Variants in FREM2 observed in about 807,000 individuals in gnomAD.
The protein encoded by FREM2 is FRAS1-related extracellular matrix protein 2.
FREM2 carries 119 observed loss-of-function variants against 219.9 expected under a neutral mutation model. That is an observed-to-expected ratio of 0.54 (90% CI 0.47 to 0.63). The LOEUF (loss-of-function observed/expected upper bound fraction) is 0.63. Among genes scored for constraint, FREM2 ranks in the 30% least tolerant of loss-of-function variants. The probability of loss-of-function intolerance (pLI) is 0.00; values close to 1 mark genes in which losing one functional copy is unlikely to be tolerated. For synonymous variants in FREM2, 1,562 were observed against 1,522.8 expected (o/e 1.03, Z -0.60); for missense variants, 4,030 against 3,993.6 (o/e 1.01, Z -0.25).
At chr13:38,826,029 T>C (rs1020305929) in intron 6 of FREM2, among the ~76,000 whole-genome samples, 11 of 152,132 alleles carry the variant, frequency 7.2e-5, no homozygotes, top group Non-Finnish European at 1.3e-4. Flanking sequence ...TGGTTACTCT[T>C]TAAACACAAA....
Position 38,846,561 on chromosome 13 carries a change from C to T in FREM2, c.6020-12C>T. On this transcript the variant is annotated splice_polypyrimidine_tract_variant and intron_variant, in intron 6 of 23. Transcript: ENST00000280481. The stretch of plus-strand genomic sequence containing the variant: ...AAAATAACAGAAATGATTTCTGTTC[C>T]TTTCTTAACAGAACCCATCTTTTAC... 6.2e-7 allele frequency: 1 copy of T among 1,612,362 alleles called. No individual in the cohort carries two copies. Among genetic ancestry groups the T allele is most frequent in the Non-Finnish European group, 8.5e-7 (1 of 1,178,838 alleles).
Position 38,856,182 on chromosome 13 carries a change from G to A in FREM2, c.6982G>A (p.Asp2328Asn). The change falls in exon 12 of 24, where the codon GAC becomes AAC. Residue 2328 changes from aspartate (D) to asparagine (N), a missense_variant. Physicochemically the swap from Asp to Asn is conservative, Grantham distance 23. Around this residue, in one of 2 missense-constraint regions of FREM2, gnomAD observed 3,102 missense variants for 2,950.7 expected, o/e 1.05. Coordinates refer to ENST00000280481, the MANE Select transcript of FREM2 (RefSeq NM_207361.6). Reference sequence around the variant, plus strand: ...CGTGGTTGAAATCGAAGTTACCTTTGACGGGGTGAGAGAGATGAGAGAGGC... The same window carrying A: ...CGTGGTTGAAATCGAAGTTACCTTTAACGGGGTGAGAGAGATGAGAGAGGC... ...QHVVEIEVTF[D>N]GVREMREAFT... The A allele has an allele frequency of 5.6e-6, 9 of 1,611,522 alleles. No homozygotes were observed. Among genetic ancestry groups the A allele is most frequent in the Non-Finnish European group, 7.6e-6 (9 of 1,177,932 alleles).
intron 3 of FREM2, among the ~76,000 whole-genome samples, chr13:38,766,789 A>T (rs903541644): frequency 6.6e-6 from 1 of 152,210 alleles, no homozygotes; most frequent in African/African-American, 2.4e-5. Flanking sequence ...AATATTTATT[A>T]AAGGCAAGGT....
intron 6 of FREM2, among the ~76,000 whole-genome samples, chr13:38,835,432 C>G (rs966242700): frequency 6.6e-6 from 1 of 152,028 alleles, no homozygotes; most frequent in African/African-American, 2.4e-5. Flanking sequence ...GCTATACGGG[C>G]TTTTTTGGTT....
At chr13:38,852,993 AC>A (rs1877428228) in intron 11 of FREM2, among the ~76,000 whole-genome samples, 1 of 151,912 alleles carries the variant, frequency 6.6e-6, no homozygotes, top group Non-Finnish European at 1.5e-5. Flanking sequence ...GGCATGAACC[AC>A]CAAACTCAGC....
intron 2 of FREM2, among the ~76,000 whole-genome samples, chr13:38,715,082 G>A (rs1368758847): frequency 1.3e-5 from 2 of 152,106 alleles, no homozygotes; most frequent in Non-Finnish European, 2.9e-5. Flanking sequence ...ACAAGAGTGA[G>A]ACTCTGTCCC....
chr13:38,853,763 A>G (rs547880984), intron 11 of FREM2, among the ~76,000 whole-genome samples: 12 of 152,338 alleles, frequency 7.9e-5, no homozygotes, highest in African/African-American at 2.9e-4. Context: ...CAGAGAAGGG[A>G]AAACAAAACT....
intron 2 of FREM2, among the ~76,000 whole-genome samples, chr13:38,704,525 G>T (rs899741311): frequency 6.4e-4 from 98 of 152,172 alleles, no homozygotes; most frequent in African/African-American, 2.2e-3. Context: ...TGAGCTTTGT[G>T]TGTTCAAGTC....
At chr13:38,795,065 A>G (rs1265148164) in intron 6 of FREM2, among the ~76,000 whole-genome samples, 1 of 152,118 alleles carries the variant, frequency 6.6e-6, no homozygotes, top group Non-Finnish European at 1.5e-5. Flanking sequence ...CATGTGCATT[A>G]CCACTAGGCT....
In FREM2 at chr13:38,820,462, T is replaced by C. The variant is rs190620531; in HGVS notation, c.6020-26111T>C. On this transcript the variant is annotated intron_variant, in intron 6 of 23. Coordinates refer to ENST00000280481, the MANE Select transcript of FREM2 (RefSeq NM_207361.6). The stretch of plus-strand genomic sequence containing the variant: ...CTAAACATTTATAGGAACCTCAAGA[T>C]CTCAGTCACAGAAAATTCCATTTTA... 3.8e-3 allele frequency among the ~76,000 whole-genome samples: 574 copies of C among 152,154 alleles called. 2 individuals carry two copies. The highest frequency in any genetic ancestry group is 6.2e-3 in the Non-Finnish European group (423 of 67,986).
intron 16 of FREM2, among the ~76,000 whole-genome samples, chr13:38,870,443 A>G (rs928395428): frequency 2.6e-5 from 4 of 152,220 alleles, no homozygotes; most frequent in African/African-American, 9.6e-5. Context: ...CGGTTTCTTT[A>G]AGATTTGACA....
intron 2 of FREM2, among the ~76,000 whole-genome samples, chr13:38,699,029 A>G (rs1479709298): frequency 6.6e-6 from 1 of 152,198 alleles, no homozygotes; most frequent in Non-Finnish European, 1.5e-5. Context: ...AAATCAACTC[A>G]TAAAAAAAAC....
intron 4 of FREM2, among the ~76,000 whole-genome samples, chr13:38,776,062 C>G (rs1049156587): frequency 6.6e-6 from 1 of 151,996 alleles, no homozygotes; most frequent in Non-Finnish European, 1.5e-5. Flanking sequence ...TTTTCAAGAC[C>G]CTGTAAAAAT....
At chr13:38,736,016 GC>G (rs1871977105) in intron 2 of FREM2, among the ~76,000 whole-genome samples, 2 of 152,120 alleles carry the variant, frequency 1.3e-5, no homozygotes, top group African/African-American at 4.8e-5. Context: ...CAGGAGGGAG[GC>G]CTTGTGCAGA....
At chr13:38,738,056 TG>T (rs1251787781) in intron 2 of FREM2, among the ~76,000 whole-genome samples, 1 of 152,130 alleles carries the variant, frequency 6.6e-6, no homozygotes, top group Non-Finnish European at 1.5e-5. Context: ...CTGAGGACTT[TG>T]TTGCTGATTA....
Position 38,687,583 on chromosome 13 carries a change from G to A in FREM2, c.239G>A (p.Arg80Gln), listed in dbSNP as rs1869528504. ...EAIVLANRGL[R>Q]VPFGREVWLD... Reference sequence around the variant, plus strand: ...ATAGTGCTGGCGAACCGCGGACTCCGGGTGCCTTTCGGCCGTGAAGTCTGG... The same window carrying A: ...ATAGTGCTGGCGAACCGCGGACTCCAGGTGCCTTTCGGCCGTGAAGTCTGG... Residue 80 changes from arginine to glutamine, a missense_variant, in exon 1 of 24, where the codon CGG becomes CAG. Physicochemically the swap from Arg to Gln is conservative, Grantham distance 43 (BLOSUM62 1). Transcript: ENST00000280481. The A allele has an allele frequency of 6.2e-7, 1 of 1,606,802 alleles. No homozygotes were observed.
At chr13:38,789,040 AT>A (rs1477253930) in intron 6 of FREM2, among the ~76,000 whole-genome samples, 3 of 152,078 alleles carry the variant, frequency 2.0e-5, no homozygotes, top group Non-Finnish European at 4.4e-5. Flanking sequence ...GCTGGATTAA[AT>A]TTAAGAATAT....
chr13:38,779,247 G>T (rs920038582), intron 4 of FREM2, among the ~76,000 whole-genome samples: 11 of 152,020 alleles, frequency 7.2e-5, no homozygotes, highest in East Asian at 1.9e-4. Context: ...GGAAAGGGGA[G>T]GGAGAGCATT....
Position 38,769,670 on chromosome 13 carries a change from G to A in FREM2, c.5503G>A (p.Ala1835Thr), listed in dbSNP as rs767743882. ...GCAGTTCAACCCAGGCCAGACCAGGGCCACATGGCGAGTGCGGATCCTGAG... is the reference window on the plus strand; with the variant it reads ...GCAGTTCAACCCAGGCCAGACCAGGACCACATGGCGAGTGCGGATCCTGAG... ...QVQFNPGQTR[A>T]TWRVRILSDG... Residue 1835 changes from alanine to threonine, a missense_variant, in exon 4 of 24, where the codon GCC (alanine) becomes ACC (threonine). By Grantham distance (58) the Ala-to-Thr change is moderately conservative. This residue lies in a region of FREM2 where 3,102 missense variants were observed against 2,950.7 expected (regional missense o/e 1.05). Transcript: ENST00000280481. 3.1e-6 allele frequency: 5 copies of A among 1,614,154 alleles called. No individual in the cohort carries two copies. The South Asian group carries it at 3.3e-5, about 11-fold the overall frequency.
Sources: allele counts gnomAD v4.1 joint callset (sites outside exome capture counted in the v4.1 genomes callset), GRCh38; gene constraint gnomAD v4.1.1; regional missense constraint gnomAD v4.1.1; transcripts MANE v1.5; gene names NCBI Gene and HGNC (gene_info 2026-07-23, HGNC 2026-07-21).